The following FUT9 variants were observed in gnomAD, a reference collection of about 807,000 sequenced individuals.
FUT9 encodes the protein 4-galactosyl-N-acetylglucosaminide 3-alpha-L-fucosyltransferase 9.
Under a neutral mutation model 29.7 loss-of-function variants are expected in FUT9, and 15 were observed. The ratio of observed to expected loss-of-function variants is 0.51; its 90% CI spans 0.34 to 0.78. The LOEUF (loss-of-function observed/expected upper bound fraction) is 0.78, where lower values mean the gene tolerates loss of function less well. Among genes scored for constraint, FUT9 ranks in the 30% least tolerant of loss-of-function variants. FUT9 has a pLI of 0.01. For missense variants in FUT9, 319 were observed against 425.4 expected (o/e 0.75, Z 2.20); for synonymous variants, 169 against 153.7 (o/e 1.10, Z -0.74).
intron 1 of FUT9, among the ~76,000 whole-genome samples, chr6:96,074,768 T>A (rs115067457): frequency 2.9e-3 from 442 of 152,166 alleles, no homozygotes; most frequent in African/African-American, 9.1e-3. Flanking sequence ...ATGGTTTTAG[T>A]TTTAATTTAA....
chr6:96,161,082 T>A (rs575182777), intron 2 of FUT9, among the ~76,000 whole-genome samples: 9 of 152,280 alleles, frequency 5.9e-5, no homozygotes, highest in African/African-American at 2.2e-4. Context: ...GAAACAGTAA[T>A]TGGCACAAGA....
At chr6:96,106,150 G>A (rs1034624512) in intron 1 of FUT9, among the ~76,000 whole-genome samples, 4 of 151,974 alleles carry the variant, frequency 2.6e-5, no homozygotes, top group African/African-American at 9.7e-5. Flanking sequence ...GAAGATAGCA[G>A]GCAGCATGTA....
intron 1 of FUT9, among the ~76,000 whole-genome samples, chr6:96,110,368 G>A (rs1771776752): frequency 6.6e-6 from 1 of 152,112 alleles, no homozygotes; most frequent in African/African-American, 2.4e-5. Context: ...GATAGCTAAA[G>A]GAAACTTGGG....
At chr6:96,129,701 T>C (rs907214930) in intron 2 of FUT9, among the ~76,000 whole-genome samples, 3 of 152,114 alleles carry the variant, frequency 2.0e-5, no homozygotes, top group African/African-American at 7.2e-5. Context: ...TTGGTATTAA[T>C]TTGGTATTTA....
chr6:96,139,553 A>G (rs1378486211), intron 2 of FUT9, among the ~76,000 whole-genome samples: 1 of 152,142 alleles, frequency 6.6e-6, no homozygotes, highest in Admixed American at 6.5e-5. Context: ...TTCCTTCTGC[A>G]TCATCCTAGC....
intron 1 of FUT9, among the ~76,000 whole-genome samples, chr6:96,086,452 A>G (rs1001476124): frequency 6.6e-6 from 1 of 152,070 alleles, no homozygotes; most frequent in African/African-American, 2.4e-5. Flanking sequence ...CTTAATTTTG[A>G]TATAGTGAAT....
chr6:96,170,976 C>T (rs1773102901), intron 2 of FUT9, among the ~76,000 whole-genome samples: 1 of 152,186 alleles, frequency 6.6e-6, no homozygotes, highest in Non-Finnish European at 1.5e-5. Flanking sequence ...TCTTTCCCTA[C>T]ATTCTCACTG....
chr6:96,051,172 A>G (rs1168594885), intron 1 of FUT9, among the ~76,000 whole-genome samples: 2 of 152,202 alleles, frequency 1.3e-5, no homozygotes, highest in African/African-American at 2.4e-5. Flanking sequence ...ATTTTAGGTT[A>G]CATTATATAC....
chr6:96,067,176 A>C (rs1457000457), intron 1 of FUT9, among the ~76,000 whole-genome samples: 1 of 145,668 alleles, frequency 6.9e-6, no homozygotes, highest in African/African-American at 2.5e-5. Flanking sequence ...CTATGGATAC[A>C]TAAACTCATT....
chr6:96,175,872 G>C (rs1333084010), intron 2 of FUT9, among the ~76,000 whole-genome samples: 1 of 152,198 alleles, frequency 6.6e-6, no homozygotes, highest in Non-Finnish European at 1.5e-5. Context: ...TCTGTTTTGA[G>C]GGTGTTTTCA....
chr6:96,073,185 T>A (rs1771090858), intron 1 of FUT9, among the ~76,000 whole-genome samples: 1 of 152,118 alleles, frequency 6.6e-6, no homozygotes, highest in Non-Finnish European at 1.5e-5. Context: ...GTGTGGTGGC[T>A]CATGCCCGTA....
chr6:96,072,849 A>G (rs540561007), intron 1 of FUT9, among the ~76,000 whole-genome samples: 1 of 152,214 alleles, frequency 6.6e-6, no homozygotes, highest in African/African-American at 2.4e-5. Flanking sequence ...AATGTGGCTA[A>G]TGGATACTTT....
At chr6:96,141,747 T>G (rs1772467979) in intron 2 of FUT9, among the ~76,000 whole-genome samples, 1 of 152,144 alleles carries the variant, frequency 6.6e-6, no homozygotes, top group African/African-American at 2.4e-5. Context: ...TTGTGGGAGA[T>G]CTGGGGAATG....
At chr6:96,154,559 T>C (rs1441016843) in intron 2 of FUT9, among the ~76,000 whole-genome samples, 1 of 152,152 alleles carries the variant, frequency 6.6e-6, no homozygotes, top group East Asian at 1.9e-4. Flanking sequence ...AGTTCAGAGG[T>C]TAGTGGACTC....
intron 2 of FUT9, among the ~76,000 whole-genome samples, chr6:96,190,014 C>T: frequency 6.6e-6 from 1 of 152,152 alleles, no homozygotes; most frequent in East Asian, 1.9e-4. Flanking sequence ...ATGGTCTTTA[C>T]AATATGGCAT....
chr6:96,029,909 A>G (rs902537088), intron 1 of FUT9, among the ~76,000 whole-genome samples: 2 of 151,670 alleles, frequency 1.3e-5, no homozygotes, highest in Non-Finnish European at 3.0e-5. Flanking sequence ...ATCACAGATC[A>G]CAAATTCTGC....
chr6:96,100,786 T>C (rs2127956728), intron 1 of FUT9, among the ~76,000 whole-genome samples: 1 of 152,288 alleles, frequency 6.6e-6, no homozygotes, highest in Admixed American at 6.5e-5. Flanking sequence ...TAAACCTGAG[T>C]GTCTATGTTT....
At chr6:96,140,285 GTC>G (rs1193407208) in intron 2 of FUT9, among the ~76,000 whole-genome samples, 9 of 152,246 alleles carry the variant, frequency 5.9e-5, no homozygotes, top group Non-Finnish European at 8.8e-5. Flanking sequence ...AGCCATTTAA[GTC>G]TCTAGGAAGT....
chr6:96,145,955 AGG>A (rs1554196007), intron 2 of FUT9, among the ~76,000 whole-genome samples: 138,595 of 152,062 alleles, frequency 0.91, 64,546 homozygotes, highest in Non-Finnish European at 1. Context: ...TCCCAGGTTG[AGG>A]TCCTCCTACC....
Sources: allele counts gnomAD v4.1 joint callset (sites outside exome capture counted in the v4.1 genomes callset), GRCh38; gene constraint gnomAD v4.1.1; transcripts MANE v1.5; gene names NCBI Gene and HGNC (gene_info 2026-07-23, HGNC 2026-07-21).